CTNNA1: variants seen among roughly 807,000 people sequenced by gnomAD.
CTNNA1 encodes catenin alpha 1.
CTNNA1 carries 37 observed loss-of-function variants against 98.4 expected under a neutral mutation model. The ratio of observed to expected loss-of-function variants is 0.38; its 90% confidence interval spans 0.29 to 0.49. The LOEUF (loss-of-function observed/expected upper bound fraction) is 0.49, where lower values mean the gene tolerates loss of function less well. CTNNA1 is among the 20% of genes least tolerant of loss of function. CTNNA1 has a pLI of 0.95. For synonymous variants in CTNNA1, 404 were observed against 413.2 expected, an observed-to-expected ratio of 0.98 and a Z score of 0.27; for missense variants, 761 against 1,147.2, an observed-to-expected ratio of 0.66 and a Z score of 4.86.
At chr5:138,779,473 G>A (rs182792171) in intron 1 of CTNNA1, among the ~76,000 whole-genome samples, 14 of 151,842 alleles carry the variant, frequency 9.2e-5, no homozygotes, top group South Asian at 4.2e-4. Context: ...TCCCCTTTCC[G>A]CACAATACAG....
chr5:138,781,519 C>T (rs559216462), intron 1 of CTNNA1, among the ~76,000 whole-genome samples: 1 of 150,824 alleles, frequency 6.6e-6, no homozygotes, highest in East Asian at 2.0e-4. Flanking sequence ...TCCACCACTG[C>T]CCTCCAGCCT....
At position 138,783,346 on chromosome 5, in the gene CTNNA1, C is replaced by T. The variant is rs778857532; in HGVS notation, c.275C>T (p.Ala92Val). 6.2e-7 allele frequency: 1 copy of T among 1,613,888 alleles called. No homozygotes were observed. The highest frequency in any genetic ancestry group is 1.1e-5 in the South Asian group (1 of 91,058). Residue 92 changes from alanine to valine, a missense_variant, in exon 3 of 18, where the codon GCT (alanine) becomes GTT (valine). Physicochemically the swap from Ala to Val is moderately conservative, Grantham distance 64. Coordinates refer to ENST00000302763, the MANE Select transcript of CTNNA1 (RefSeq NM_001903.5). ...ESQFLKEELV[A>V]AVEDVRKQGD... ...CAGTTTCTCAAGGAGGAGCTTGTGG[C>T]TGCTGTAGAAGATGTTCGAAAACAA... is the stretch of plus-strand genomic sequence containing the variant.
At chr5:138,858,521 C>G (rs781735940) in intron 7 of CTNNA1, among the ~76,000 whole-genome samples, 6 of 151,862 alleles carry the variant, frequency 4.0e-5, no homozygotes, top group Non-Finnish European at 8.8e-5. Context: ...CCTTGTAACC[C>G]AAGCCTCTAT....
intron 4 of CTNNA1, among the ~76,000 whole-genome samples, chr5:138,811,740 A>G (rs1384873362): frequency 1.3e-5 from 2 of 151,812 alleles, no homozygotes; most frequent in African/African-American, 4.8e-5. Context: ...ACACAGCGAA[A>G]CCCCGTCTCC....
intron 7 of CTNNA1, among the ~76,000 whole-genome samples, chr5:138,877,418 C>T (rs997964339): frequency 6.6e-6 from 1 of 151,590 alleles, no homozygotes. Context: ...ACAGTAGTCT[C>T]ATAGGAGTGG....
chr5:138,924,369 G>A, intron 11 of CTNNA1, 141 bp from the exon 12 acceptor site: 2 of 686,346 alleles, frequency 2.9e-6, no homozygotes, highest in South Asian at 1.9e-5. Context: ...ACTAGTCACT[G>A]GTCTCTCCAA....
At chr5:138,875,597 A>C in intron 7 of CTNNA1, 1 of 985,472 alleles carries the variant, frequency 1.0e-6, no homozygotes, top group Non-Finnish European at 1.2e-6. Context: ...CCATCTGAAC[A>C]GTGAGTTGGG....
rs1289575076 is a variant in CTNNA1, at chr5:138,934,380, C to G, written c.*291C>G. 3.0e-6 allele frequency: 1 copy of G among 338,748 alleles called. No homozygotes were observed. Among genetic ancestry groups the G allele is most frequent in the East Asian group, 6.4e-5 (1 of 15,516 alleles). 21.0% of individuals were successfully genotyped at this position (338,748 alleles called of 1,614,324 possible). On this transcript the variant is annotated 3_prime_UTR_variant, in exon 18 of 18. Coordinates refer to ENST00000302763, the MANE Select transcript of CTNNA1 (RefSeq NM_001903.5). ...GCTTGTTAGTAATGCTCTGACCAAG[C>G]CGAGATGCCCATTCTCTTAGTGATG...
At chr5:138,916,157 A>G (rs974889318) in intron 10 of CTNNA1, among the ~76,000 whole-genome samples, 56 of 145,166 alleles carry the variant, frequency 3.9e-4, no homozygotes, top group African/African-American at 1.5e-3. Context: ...CCATAGAGAT[A>G]GAAAGCAAAT....
At chr5:138,910,840 G>A (rs1437522890) in intron 10 of CTNNA1, among the ~76,000 whole-genome samples, 5 of 151,678 alleles carry the variant, frequency 3.3e-5, no homozygotes, top group Admixed American at 3.3e-4. Context: ...TTTAGGGACT[G>A]CAGGGCCTTT....
intron 1 of CTNNA1, among the ~76,000 whole-genome samples, chr5:138,776,804 A>ACC (rs552134161): frequency 7.6e-6 from 1 of 131,002 alleles, no homozygotes; most frequent in Non-Finnish European, 1.6e-5. Flanking sequence ...CGGGGGGCTG[A>ACC]CCCCCCCACC....
At chr5:138,842,344 T>A (rs377348763) in intron 7 of CTNNA1, among the ~76,000 whole-genome samples, 1 of 152,216 alleles carries the variant, frequency 6.6e-6, no homozygotes, top group African/African-American at 2.4e-5. Flanking sequence ...TTTAAGCTCA[T>A]ACTAATAAAC....
In CTNNA1 at chr5:138,934,135, C is replaced by T. The variant is rs1333311141; in HGVS notation, c.*46C>T. ...CCCACCCCTCGGGGCTCCTGAATAT[C>T]AGTCACTGTTCGTCACTCAAATGAA... On this transcript the variant is annotated 3_prime_UTR_variant, in exon 18 of 18. Transcript: ENST00000302763. 6.9e-7 allele frequency: 1 copy of T among 1,447,270 alleles called. No individual in the cohort carries two copies. 89.7% of individuals were successfully genotyped at this position (1,447,270 alleles called of 1,614,324 possible).
intron 5 of CTNNA1, 49 bp downstream of exon 5, chr5:138,812,351 A>G: frequency 6.3e-7 from 1 of 1,580,976 alleles, no homozygotes; most frequent in Non-Finnish European, 8.6e-7. Context: ...TTTACTATCT[A>G]GAGGGAAAAA....
chr5:138,817,815 C>T (rs1488715749), intron 5 of CTNNA1, among the ~76,000 whole-genome samples: 1 of 152,068 alleles, frequency 6.6e-6, no homozygotes, highest in African/African-American at 2.4e-5. Flanking sequence ...TTCTCATTTA[C>T]ATCCTGATTT....
chr5:138,848,849 G>A (rs1443268812), intron 7 of CTNNA1, among the ~76,000 whole-genome samples: 1 of 152,100 alleles, frequency 6.6e-6, no homozygotes, highest in Admixed American at 6.5e-5. Context: ...TCAGCCTCCT[G>A]AGTAGCTGGG....
At chr5:138,803,796 G>A (rs552699206) in intron 3 of CTNNA1, among the ~76,000 whole-genome samples, 1 of 152,056 alleles carries the variant, frequency 6.6e-6, no homozygotes, top group South Asian at 2.1e-4. Flanking sequence ...CACTGCCCCC[G>A]ACCCTACTCC....
chr5:138,759,653 C>T (rs1175316792), intron 1 of CTNNA1, among the ~76,000 whole-genome samples: 7 of 152,214 alleles, frequency 4.6e-5, no homozygotes, highest in South Asian at 2.1e-4. Flanking sequence ...ATACGGATCC[C>T]TAATATTTGG....
intron 7 of CTNNA1, among the ~76,000 whole-genome samples, chr5:138,855,703 T>A (rs1345992257): frequency 1.3e-5 from 2 of 152,184 alleles, no homozygotes; most frequent in African/African-American, 4.8e-5. Context: ...TTCCTTCTTA[T>A]AAAAAGAGCT....
Sources: allele counts gnomAD v4.1 joint callset (sites outside exome capture counted in the v4.1 genomes callset), GRCh38; gene constraint gnomAD v4.1.1; transcripts MANE v1.5; gene names NCBI Gene and HGNC (gene_info 2026-07-23, HGNC 2026-07-21).